SLC35F1: variants seen among roughly 807,000 people sequenced by gnomAD.
SLC35F1 encodes solute carrier family 35 member F1, also known as chromosome 6 open reading frame 169.
Under a neutral mutation model 48.7 loss-of-function variants are expected in SLC35F1, and 14 were observed. That is an observed-to-expected ratio of 0.29 (90% CI 0.19 to 0.45). The LOEUF is 0.45. Ranked by LOEUF, SLC35F1 falls within the 20% of genes least tolerant of loss-of-function variation. The probability of loss-of-function intolerance (pLI) is 1.00; values close to 1 mark genes in which losing one functional copy is unlikely to be tolerated. For missense variants in SLC35F1, 404 were observed against 500.0 expected (o/e 0.81, Z 1.83); for synonymous variants, 190 against 202.2 (o/e 0.94, Z 0.51).
intron 1 of SLC35F1, among the ~76,000 whole-genome samples, chr6:117,982,969 C>A (rs1776801320): frequency 6.6e-6 from 1 of 152,144 alleles, no homozygotes; most frequent in South Asian, 2.1e-4. Flanking sequence ...TCTTCAGGTT[C>A]TCAGCTACAT....
At chr6:117,908,847 G>C (rs1775729052) in intron 1 of SLC35F1, among the ~76,000 whole-genome samples, 1 of 152,164 alleles carries the variant, frequency 6.6e-6, no homozygotes, top group African/African-American at 2.4e-5. Context: ...GCATCTGTAG[G>C]GGTAACTGTT....
At chr6:118,247,744 G>A (rs569484536) in intron 3 of SLC35F1, among the ~76,000 whole-genome samples, 1 of 147,686 alleles carries the variant, frequency 6.8e-6, no homozygotes, top group Non-Finnish European at 1.5e-5. Flanking sequence ...TGGACAAATT[G>A]CCTGGCATAT....
chr6:117,965,356 A>G (rs1018430589), intron 1 of SLC35F1, among the ~76,000 whole-genome samples: 1 of 152,184 alleles, frequency 6.6e-6, no homozygotes, highest in Admixed American at 6.5e-5. Context: ...TGGTAGGAGC[A>G]AACATTGAGC....
intron 1 of SLC35F1, among the ~76,000 whole-genome samples, chr6:117,934,594 T>C (rs1582571917): frequency 2.6e-5 from 4 of 152,324 alleles, no homozygotes. Flanking sequence ...AATTCTCAGT[T>C]ATGAAATTCA....
chr6:118,120,518 C>T (rs12526522), intron 1 of SLC35F1, among the ~76,000 whole-genome samples: 5,459 of 152,214 alleles, frequency 0.036, 132 homozygotes, highest in Admixed American at 0.058. Context: ...GGTCATGTTA[C>T]CCCCTACAAC....
At chr6:117,914,259 TAA>T (rs919023520) in intron 1 of SLC35F1, among the ~76,000 whole-genome samples, 5 of 141,564 alleles carry the variant, frequency 3.5e-5, no homozygotes, top group African/African-American at 5.1e-5. Flanking sequence ...CTCTGAGGAT[TAA>T]AAAAAAAAAA....
Position 118,039,308 on chromosome 6 carries a change from G to T in SLC35F1, c.174-115137G>T, listed in dbSNP as rs577177605. On this transcript the variant is annotated intron_variant, in intron 1 of 7. Coordinates refer to ENST00000360388, the MANE Select transcript of SLC35F1 (RefSeq NM_001029858.4). ...TTTTCTTTACGTTTAGTTTTCAGCA[G>T]CTTATGATGTATTTAAGAATGGTTA... 1.9e-4 allele frequency among the ~76,000 whole-genome samples: 29 copies of T among 152,000 alleles called. 1 individual carries two copies. The South Asian group carries it at 5.8e-3, about 30-fold the overall frequency.
chr6:118,275,382 C>T, intron 4 of SLC35F1, 77 bp from the exon 5 acceptor site: 7 of 1,471,212 alleles, frequency 4.8e-6, no homozygotes, highest in Non-Finnish European at 6.4e-6. Flanking sequence ...AAGGGAAGCT[C>T]AATTTGCCGA....
At chr6:118,067,414 C>G (rs186244371) in intron 1 of SLC35F1, among the ~76,000 whole-genome samples, 1 of 152,002 alleles carries the variant, frequency 6.6e-6, no homozygotes, top group African/African-American at 2.4e-5. Context: ...TGATATTGCC[C>G]AGGGAGAGTC....
At position 117,907,611 on chromosome 6, in the gene SLC35F1, C is replaced by T. The variant is rs1775705170; in HGVS notation, c.-116C>T. ...CCGCCTCACCGCTTCGCAGGCAGCA[C>T]CGCCTCCCGGGCCGCGGCCGCCCGG... is the stretch of plus-strand genomic sequence containing the variant. On this transcript the variant is annotated 5_prime_UTR_variant, in exon 1 of 8. Transcript: ENST00000360388. The T allele has an allele frequency of 1.9e-6, 1 of 534,228 alleles. No individual in the cohort carries two copies. Among genetic ancestry groups the T allele is most frequent in the South Asian group, 4.0e-5 (1 of 25,212 alleles). The allele number at this position is 534,228 out of a possible 1,614,324, so 33.1% of individuals were successfully genotyped here.
chr6:118,221,336 A>G (rs1775147944), intron 2 of SLC35F1, among the ~76,000 whole-genome samples: 1 of 152,146 alleles, frequency 6.6e-6, no homozygotes, highest in Admixed American at 6.5e-5. Context: ...CTCCGCAAAA[A>G]CAGAATGCCG....
At chr6:118,060,017 G>A (rs1458835811) in intron 1 of SLC35F1, among the ~76,000 whole-genome samples, 2 of 152,172 alleles carry the variant, frequency 1.3e-5, no homozygotes, top group Non-Finnish European at 2.9e-5. Context: ...ATTGTATGAA[G>A]CTGGATAATG....
intron 1 of SLC35F1, among the ~76,000 whole-genome samples, chr6:118,053,997 A>G (rs1241849210): frequency 6.6e-6 from 1 of 152,154 alleles, no homozygotes; most frequent in East Asian, 1.9e-4. Context: ...ATTTTTTCTA[A>G]TTTAACATAT....
At chr6:118,214,126 A>G (rs966066111) in intron 2 of SLC35F1, among the ~76,000 whole-genome samples, 1 of 152,202 alleles carries the variant, frequency 6.6e-6, no homozygotes, top group African/African-American at 2.4e-5. Flanking sequence ...TTCACTCTTC[A>G]GCAAATATAT....
intron 2 of SLC35F1, among the ~76,000 whole-genome samples, chr6:118,168,053 CACAT>C (rs1774344702): frequency 6.6e-6 from 1 of 152,122 alleles, no homozygotes; most frequent in African/African-American, 2.4e-5. Flanking sequence ...TTCAGTTGTT[CACAT>C]GCAAAGGGAT....
chr6:117,980,961 G>GA (rs924145267), intron 1 of SLC35F1, among the ~76,000 whole-genome samples: 9 of 151,630 alleles, frequency 5.9e-5, no homozygotes, highest in African/African-American at 9.7e-5. Context: ...TGAATTTTGG[G>GA]AAAAAAAACC....
intron 2 of SLC35F1, among the ~76,000 whole-genome samples, chr6:118,155,130 TA>T (rs1302734538): frequency 6.6e-6 from 1 of 152,238 alleles, no homozygotes; most frequent in African/African-American, 2.4e-5. Flanking sequence ...GAAATTATTT[TA>T]AACTTGAAAT....
chr6:118,075,070 A>C (rs1772797799), intron 1 of SLC35F1, among the ~76,000 whole-genome samples: 1 of 152,198 alleles, frequency 6.6e-6, no homozygotes. Context: ...TTCAGTCTAA[A>C]TGAAGAATGA....
At chr6:118,011,516 T>G (rs2114876620) in intron 1 of SLC35F1, among the ~76,000 whole-genome samples, 1 of 152,250 alleles carries the variant, frequency 6.6e-6, no homozygotes, top group South Asian at 2.1e-4. Context: ...ACCAGGCCCC[T>G]CCTCCAACCT....
Sources: gnomAD v4.1 joint callset for allele counts (sites outside exome capture counted in the v4.1 genomes callset) on GRCh38, gnomAD v4.1.1 for gene constraint, MANE v1.5 for transcripts, NCBI Gene and HGNC (gene_info 2026-07-23, HGNC 2026-07-21) for gene names.